Variants in CPSF6 observed in about 807,000 individuals in gnomAD.
CPSF6 encodes cleavage and polyadenylation specificity factor subunit 6.
A neutral mutation model predicts 56.7 loss-of-function variants in CPSF6; 10 were observed. The ratio of observed to expected loss-of-function variants is 0.18; its 90% confidence interval spans 0.11 to 0.30. CPSF6 has a LOEUF of 0.30. Ranked by LOEUF, CPSF6 falls within the 10% of genes least tolerant of loss-of-function variation. The pLI, the probability that CPSF6 is intolerant of heterozygous loss-of-function variation, is 1.00. For synonymous variants in CPSF6, 248 were observed against 244.8 expected (o/e 1.01, Z -0.12); for missense variants, 419 against 722.9 (o/e 0.58, Z 4.82).
chr12:69,250,562 TGG>T (rs1393478234), intron 1 of CPSF6, among the ~76,000 whole-genome samples: 3 of 126,186 alleles, frequency 2.4e-5, no homozygotes, highest in Admixed American at 1.0e-4. Context: ...GAAACTAGCG[TGG>T]GCAATGTAGC....
In CPSF6 at chr12:69,265,320, A is replaced by AT. The variant is rs1305239451; in HGVS notation, c.*3+2764dup. Among the ~76,000 whole-genome samples the AT allele has an allele frequency of 4.6e-5, 7 of 152,248 alleles. 1 individual carries two copies. The South Asian group carries it at 1.5e-3, about 32-fold the overall frequency. On this transcript the variant is annotated intron_variant, in intron 9 of 9. Coordinates refer to ENST00000435070, the MANE Select transcript of CPSF6 (RefSeq NM_007007.3). Reference sequence around the variant, plus strand: ...GTAGTTCAGTGCTTTACGATTGTACATTTTTTACTGAAATAATTTTAGTTT... The same window carrying AT: ...GTAGTTCAGTGCTTTACGATTGTACATTTTTTTACTGAAATAATTTTAGTTT...
Position 69,273,187 on chromosome 12 carries a change from TAGAA to T in CPSF6, c.*3684_*3687del, listed in dbSNP as rs751703638. 9 of 517,216 alleles carry T rather than the reference TAGAA, an allele frequency of 1.7e-5. No individual in the cohort carries two copies. The highest frequency in any genetic ancestry group is 7.3e-5 in the South Asian group (5 of 68,152). The allele number at this position is 517,216 out of a possible 1,614,324, so 32.0% of individuals were successfully genotyped here. ...TTCTTATACTCTTCTTTCTTGGCAT[TAGAA>T]AGAAGCAATATGAATTTTTGTGAAT... On this transcript the variant is annotated 3_prime_UTR_variant, in exon 10 of 10. Coordinates refer to ENST00000435070, the MANE Select transcript of CPSF6 (RefSeq NM_007007.3).
chr12:69,252,610 GAGTT>G (rs1279077698), intron 2 of CPSF6, among the ~76,000 whole-genome samples: 1 of 151,784 alleles, frequency 6.6e-6, no homozygotes, highest in African/African-American at 2.4e-5. Context: ...GTTGTTATAA[GAGTT>G]AGTTGATACA....
At chr12:69,242,830 C>T (rs912950479) in intron 1 of CPSF6, among the ~76,000 whole-genome samples, 8 of 152,104 alleles carry the variant, frequency 5.3e-5, no homozygotes, top group Admixed American at 2.6e-4. Flanking sequence ...TTGTTTAGCG[C>T]GAGTGTGGTG....
At chr12:69,244,171 A>G (rs1871768728) in intron 1 of CPSF6, among the ~76,000 whole-genome samples, 1 of 152,202 alleles carries the variant, frequency 6.6e-6, no homozygotes, top group African/African-American at 2.4e-5. Flanking sequence ...TTAAAATACA[A>G]ACACATTGTG....
At chr12:69,241,084 T>C (rs1822682511) in intron 1 of CPSF6, among the ~76,000 whole-genome samples, 1 of 152,226 alleles carries the variant, frequency 6.6e-6, no homozygotes, top group Non-Finnish European at 1.5e-5. Context: ...AGATCTTTAC[T>C]GTTTTATTTT....
chr12:69,246,487 T>A (rs1383268177), intron 1 of CPSF6, among the ~76,000 whole-genome samples: 2 of 152,180 alleles, frequency 1.3e-5, no homozygotes, highest in Admixed American at 6.5e-5. Context: ...TCCACTATGG[T>A]TTATGTGGCA....
rs1410283336 is a variant in CPSF6 at position 69,239,683 on chromosome 12, G to A, written c.37G>A (p.Asp13Asn). ...CGTGGACCACATAGACATTTACGCGGATGTCGGCGAAGAGTTCAACCAGGT... is the reference window on the plus strand; with the variant it reads ...CGTGGACCACATAGACATTTACGCGAATGTCGGCGAAGAGTTCAACCAGGT... ...DGVDHIDIYA[D>N]VGEEFNQEAE... The change falls in exon 1 of 10, where the codon GAT (aspartate) becomes AAT (asparagine). Residue 13 changes from aspartate to asparagine, a missense_variant. Transcript: ENST00000435070. 1 of 1,592,002 alleles carries A rather than the reference G, an allele frequency of 6.3e-7. No homozygotes were observed. The highest frequency in any genetic ancestry group is 8.5e-7 in the Non-Finnish European group (1 of 1,170,186).
intron 9 of CPSF6, among the ~76,000 whole-genome samples, chr12:69,263,364 T>C (rs1872832742): frequency 1.3e-5 from 2 of 152,098 alleles, no homozygotes; most frequent in African/African-American, 4.8e-5. Flanking sequence ...ACATTTTTCA[T>C]GAAGTGGGAA....
intron 1 of CPSF6, among the ~76,000 whole-genome samples, chr12:69,245,660 C>G (rs549098997): frequency 6.6e-6 from 1 of 152,148 alleles, no homozygotes. Flanking sequence ...GGGAAACTTA[C>G]ACTGCTTGCA....
chr12:69,251,079 A>C (rs746368084), intron 1 of CPSF6, 50 bp from the exon 2 acceptor site: 3 of 1,526,364 alleles, frequency 2.0e-6, no homozygotes, highest in Non-Finnish European at 2.7e-6. Context: ...AGTCTATTTT[A>C]GTAGTATTTT....
intron 4 of CPSF6, 92 bp downstream of exon 4, chr12:69,256,934 G>C (rs1375677465): frequency 9.4e-7 from 1 of 1,061,756 alleles, no homozygotes; most frequent in African/African-American, 1.6e-5. Context: ...CTTAATACTA[G>C]CTCACTAGGA....
chr12:69,258,614 C>A lies in CPSF6; in HGVS notation c.719C>A (p.Pro240His), dbSNP rs1373913629. The stretch of plus-strand genomic sequence containing the variant: ...GCTGGACAGACTCCACCACGTCCAC[C>A]CTTAGGTCCTCCAGGCCCACCTGGT... Reference protein sequence around the residue: ...FPAGQTPPRPPLGPPGPPGPP... With the variant: ...FPAGQTPPRPHLGPPGPPGPP... The change falls in exon 6 of 10, where the codon CCC (proline) becomes CAC (histidine). Residue 240 changes from proline to histidine, a missense_variant. Transcript: ENST00000435070. This position sits in a 1 kb window ranked among gnomAD's most constrained non-coding sequence, Gnocchi z 4.2. 2.5e-6 allele frequency: 4 copies of A among 1,613,462 alleles called. No homozygotes were observed. In the Admixed American group the frequency reaches 6.7e-5, roughly 27 times the overall value.
At chr12:69,249,258 A>T (rs77502424) in intron 1 of CPSF6, among the ~76,000 whole-genome samples, 2 of 148,952 alleles carry the variant, frequency 1.3e-5, no homozygotes, top group African/African-American at 2.5e-5. Flanking sequence ...GCGACAGAGC[A>T]AGACTCCGTC....
Position 69,270,384 on chromosome 12 carries a change from G to A in CPSF6, c.*876G>A, listed in dbSNP as rs1252987981. ...AGGTTAATTACAACACAGATGTACC[G>A]AAACACTTAATTGTGAACCGCTAAC... On this transcript the variant is annotated 3_prime_UTR_variant, in exon 10 of 10. Transcript: ENST00000435070. The A allele has an allele frequency of 6.6e-6, 1 of 152,112 alleles. No individual in the cohort carries two copies. The highest frequency in any genetic ancestry group is 1.9e-4 in the East Asian group (1 of 5,202). The allele number at this position is 152,112 out of a possible 1,614,324, so 9.4% of individuals were successfully genotyped here.
intron 1 of CPSF6, among the ~76,000 whole-genome samples, chr12:69,242,347 T>C (rs1871669144): frequency 6.6e-6 from 1 of 152,184 alleles, no homozygotes; most frequent in Non-Finnish European, 1.5e-5. Context: ...GTCATACTTT[T>C]ATGAAGCTTT....
rs1018638165 is a variant in CPSF6, at chr12:69,258,320, G to A, written c.695-270G>A. The A allele has an allele frequency of 1.7e-6, 1 of 583,544 alleles. No individual in the cohort carries two copies. Among genetic ancestry groups the A allele is most frequent in the Non-Finnish European group, 2.9e-6 (1 of 339,850 alleles). 36.1% of individuals were successfully genotyped at this position (583,544 alleles called of 1,614,324 possible). The stretch of plus-strand genomic sequence containing the variant: ...TTCACTGTAAGAAGTGTGTGTACAC[G>A]GAAAGATGGAAAATATCTCTAGGCA... On this transcript the variant is annotated intron_variant, in intron 5 of 9. Transcript: ENST00000435070. This position sits in a 1 kb window ranked among gnomAD's most constrained non-coding sequence, Gnocchi z 4.2.
At position 69,253,039 on chromosome 12, in the gene CPSF6, A is replaced by G; in HGVS notation, c.271-12A>G. 1 of 1,460,830 alleles carries G rather than the reference A, an allele frequency of 6.8e-7. No homozygotes were observed. Among genetic ancestry groups the G allele is most frequent in the South Asian group, 1.3e-5 (1 of 75,088 alleles). 90.5% of individuals were successfully genotyped at this position (1,460,830 alleles called of 1,614,324 possible). ...TATTTTAATGGTTAATGAGGGGGAAAATATCTTGCAGTGGACAACAGATGA... is the reference window on the plus strand; with the variant it reads ...TATTTTAATGGTTAATGAGGGGGAAGATATCTTGCAGTGGACAACAGATGA... On this transcript the variant is annotated splice_polypyrimidine_tract_variant and intron_variant, in intron 2 of 9. Transcript: ENST00000435070.
chr12:69,244,654 A>T lies in CPSF6; in HGVS notation c.60+4948A>T, dbSNP rs559030019. On this transcript the variant is annotated intron_variant, in intron 1 of 9. Transcript: ENST00000435070. The stretch of plus-strand genomic sequence containing the variant: ...TGTGATCCTCTTGCCTCAGCCTCCC[A>T]AAGGAGGCTGGAATTACAGGCATGA... 3.9e-5 allele frequency among the ~76,000 whole-genome samples: 6 copies of T among 151,944 alleles called. No homozygotes were observed. The South Asian group carries it at 6.2e-4, about 16-fold the overall frequency.
Sources: allele counts gnomAD v4.1 joint callset (sites outside exome capture counted in the v4.1 genomes callset), GRCh38; gene constraint gnomAD v4.1.1; non-coding constraint Gnocchi (gnomAD v3.1); transcripts MANE v1.5; gene names NCBI Gene and HGNC (gene_info 2026-07-23, HGNC 2026-07-21).